Variants in ELOVL5 observed in about 807,000 individuals in gnomAD.
The protein encoded by ELOVL5 is very long chain fatty acid elongase 5.
Under a neutral mutation model 38.6 loss-of-function variants are expected in ELOVL5, and 8 were observed. The observed-to-expected ratio is 0.21, with a 90% CI of 0.12 to 0.37. The LOEUF (loss-of-function observed/expected upper bound fraction) is 0.37. Ranked by LOEUF, ELOVL5 falls within the 10% of genes least tolerant of loss-of-function variation. ELOVL5 has a pLI of 1.00. For missense variants in ELOVL5, 280 were observed against 367.8 expected, an observed-to-expected ratio of 0.76 and a Z score of 1.95; for synonymous variants, 127 against 133.7, an observed-to-expected ratio of 0.95 and a Z score of 0.34.
intron 1 of ELOVL5, among the ~76,000 whole-genome samples, chr6:53,329,721 G>A (rs1407269393): frequency 6.6e-6 from 1 of 152,184 alleles, no homozygotes. Context: ...CTACTTGGGA[G>A]GCTGAGGCAG....
Position 53,285,448 on chromosome 6 carries a change from A to T in ELOVL5, c.246+6328T>A, listed in dbSNP as rs537692457. 2.6e-5 allele frequency among the ~76,000 whole-genome samples: 4 copies of T among 152,328 alleles called. No homozygotes were observed. In the South Asian group the frequency reaches 8.3e-4, roughly 32 times the overall value. ...GAGGATAGCTCATAAGGTTTAAGGG[A>T]AGAAGTCATCTCCATAACACAAAAG... is the stretch of plus-strand genomic sequence containing the variant. On this transcript the variant is annotated intron_variant, in intron 3 of 7. Coordinates refer to ENST00000304434, the MANE Select transcript of ELOVL5 (RefSeq NM_021814.5).
chr6:53,311,593 A>C (rs1316768571), intron 1 of ELOVL5, among the ~76,000 whole-genome samples: 1 of 152,190 alleles, frequency 6.6e-6, no homozygotes. Flanking sequence ...AAGTCGATCA[A>C]CTGATTAATT....
At chr6:53,285,443 A>G (rs1254938608) in intron 3 of ELOVL5, among the ~76,000 whole-genome samples, 1 of 152,210 alleles carries the variant, frequency 6.6e-6, no homozygotes, top group East Asian at 1.9e-4. Context: ...CATAAGGTTT[A>G]AGGGAAGAAG....
At chr6:53,300,696 C>A (rs553370667) in intron 1 of ELOVL5, among the ~76,000 whole-genome samples, 8 of 152,314 alleles carry the variant, frequency 5.3e-5, no homozygotes, top group African/African-American at 1.9e-4. Flanking sequence ...GAAGCCATGA[C>A]AGGAGTGGGC....
At chr6:53,290,137 T>G (rs1390448052) in intron 3 of ELOVL5, 1 of 152,236 alleles carries the variant, frequency 6.6e-6, no homozygotes. Context: ...TCCACTCAGA[T>G]GCACACAGCT....
chr6:53,287,106 T>C (rs1051790214), intron 3 of ELOVL5, among the ~76,000 whole-genome samples: 2 of 152,240 alleles, frequency 1.3e-5, no homozygotes, highest in African/African-American at 4.8e-5. Flanking sequence ...TTTGGATTTA[T>C]GCCAAGCCAG....
chr6:53,320,448 T>C (rs2127586987), intron 1 of ELOVL5, among the ~76,000 whole-genome samples: 1 of 152,198 alleles, frequency 6.6e-6, no homozygotes, highest in East Asian at 1.9e-4. Flanking sequence ...GCCATTCTCC[T>C]GCCTCAGCCT....
intron 1 of ELOVL5, among the ~76,000 whole-genome samples, chr6:53,305,115 C>CA (rs1192775540): frequency 6.7e-6 from 1 of 149,756 alleles, no homozygotes; most frequent in Non-Finnish European, 1.5e-5. Flanking sequence ...CTGACCCCCC[C>CA]ACCTCCCTCC....
chr6:53,318,668 C>T (rs1332516688), intron 1 of ELOVL5, among the ~76,000 whole-genome samples: 1 of 151,756 alleles, frequency 6.6e-6, no homozygotes, highest in Non-Finnish European at 1.5e-5. Flanking sequence ...TGAGCCCAGG[C>T]GGTGCTGGCT....
chr6:53,337,623 T>G (rs1444655873), intron 1 of ELOVL5, among the ~76,000 whole-genome samples: 1 of 152,208 alleles, frequency 6.6e-6, no homozygotes, highest in Non-Finnish European at 1.5e-5. Context: ...GAAAGGTACA[T>G]ATGTATTTAG....
intron 3 of ELOVL5, among the ~76,000 whole-genome samples, chr6:53,285,793 A>T (rs1198954279): frequency 2.0e-5 from 3 of 151,940 alleles, no homozygotes; most frequent in African/African-American, 7.3e-5. Flanking sequence ...TTTTGTAGAG[A>T]GAGGATCTTG....
intron 1 of ELOVL5, among the ~76,000 whole-genome samples, chr6:53,338,262 G>C (rs950155903): frequency 2.6e-5 from 4 of 152,094 alleles, no homozygotes; most frequent in Admixed American, 2.0e-4. Flanking sequence ...TCTGTACCAG[G>C]GGGTCAATGA....
intron 1 of ELOVL5, among the ~76,000 whole-genome samples, chr6:53,323,912 GC>G (rs1254979601): frequency 6.6e-6 from 1 of 152,144 alleles, no homozygotes; most frequent in African/African-American, 2.4e-5. Context: ...TAAGTAACAA[GC>G]TTTTCCCATA....
rs1765791001 is a variant in ELOVL5, at chr6:53,267,771, T to C, written c.*1356A>G. 2 of 152,766 alleles carry C rather than the reference T, an allele frequency of 1.3e-5. No individual in the cohort carries two copies. The highest frequency in any genetic ancestry group is 2.1e-4 in the South Asian group (1 of 4,830). The allele number at this position is 152,766 out of a possible 1,614,324, so 9.5% of individuals were successfully genotyped here. ...ACATTGTCAATGACCTTCTAAGATA[T>C]GTCATGAGTGGTTCCAAGAATATCT... On this transcript the variant is annotated 3_prime_UTR_variant, in exon 8 of 8. Transcript: ENST00000304434.
At chr6:53,310,167 G>A (rs1012025803) in intron 1 of ELOVL5, among the ~76,000 whole-genome samples, 11 of 152,208 alleles carry the variant, frequency 7.2e-5, no homozygotes, top group Non-Finnish European at 1.3e-4. Flanking sequence ...CCTCCCCCTC[G>A]ATTTAACTGG....
chr6:53,275,337 A>G, intron 4 of ELOVL5, 76 bp from the exon 5 acceptor site: 1 of 1,470,240 alleles, frequency 6.8e-7, no homozygotes, highest in Non-Finnish European at 9.4e-7. Flanking sequence ...ATGTTTCACT[A>G]ATATCCAAAA....
rs766409728 is a variant in ELOVL5, at chr6:53,348,896, C to G, written c.-88G>C. Reference sequence around the variant, plus strand: ...GAGGGAGCGCGGGTGGCAGCCGGCGCAGAGGCGGATGTAGAAGGAGACACC... The same window carrying G: ...GAGGGAGCGCGGGTGGCAGCCGGCGGAGAGGCGGATGTAGAAGGAGACACC... On this transcript the variant is annotated 5_prime_UTR_variant, in exon 1 of 8. Coordinates refer to ENST00000304434, the MANE Select transcript of ELOVL5 (RefSeq NM_021814.5). The G allele has an allele frequency of 4.4e-6, 2 of 453,324 alleles. No homozygotes were observed. Among genetic ancestry groups the G allele is most frequent in the Admixed American group, 2.4e-5 (1 of 42,486 alleles). The allele number at this position is 453,324 out of a possible 1,614,324, so 28.1% of individuals were successfully genotyped here.
At chr6:53,310,627 G>C (rs530664551) in intron 1 of ELOVL5, among the ~76,000 whole-genome samples, 2 of 152,282 alleles carry the variant, frequency 1.3e-5, no homozygotes, top group East Asian at 3.9e-4. Flanking sequence ...TTTGGAGACA[G>C]GGTCTCGCTC....
At chr6:53,288,092 A>G (rs1766641328) in intron 3 of ELOVL5, 2 of 724,404 alleles carry the variant, frequency 2.8e-6, no homozygotes, top group Non-Finnish European at 4.7e-6. Flanking sequence ...CAAAGGAGTT[A>G]AAAGTGGCTT....
Sources: gnomAD v4.1 joint callset for allele counts (sites outside exome capture counted in the v4.1 genomes callset) on GRCh38, gnomAD v4.1.1 for gene constraint, MANE v1.5 for transcripts, NCBI Gene and HGNC (gene_info 2026-07-23, HGNC 2026-07-21) for gene names.